PPP1R12B: variants seen among roughly 807,000 people sequenced by gnomAD.
PPP1R12B encodes the protein protein phosphatase 1 regulatory subunit 12B.
Under a neutral mutation model 126.1 loss-of-function variants are expected in PPP1R12B, and 76 were observed. That is an observed-to-expected ratio of 0.60 (90% CI 0.50 to 0.73). The LOEUF (loss-of-function observed/expected upper bound fraction) is 0.73. PPP1R12B is among the 30% of genes least tolerant of loss of function. The probability of loss-of-function intolerance (pLI) is 0.00; values close to 1 mark genes in which losing one functional copy is unlikely to be tolerated. For synonymous variants in PPP1R12B, 356 were observed against 434.7 expected (o/e 0.82, Z 2.25); for missense variants, 1,052 against 1,205.1 (o/e 0.87, Z 1.88).
intron 1 of PPP1R12B, among the ~76,000 whole-genome samples, chr1:202,391,426 T>C (rs1337273789): frequency 6.6e-6 from 1 of 152,188 alleles, no homozygotes; most frequent in African/African-American, 2.4e-5. Flanking sequence ...CATATACTGC[T>C]GGTAAAAATG....
intron 23 of PPP1R12B, chr1:202,576,360 T>TG (rs1689091008): frequency 6.6e-6 from 1 of 152,220 alleles, no homozygotes; most frequent in Non-Finnish European, 1.5e-5. Flanking sequence ...TCAGCAACAA[T>TG]CTAATTAGTC....
chr1:202,538,071 A>G lies in PPP1R12B; in HGVS notation c.2491-20806A>G, dbSNP rs1047063536. Reference sequence around the variant, plus strand: ...TGGCACGATCTCAAGGCTTACCGCAACCTCTGCCTCACTGTTTCAAGTGAT... The same window carrying G: ...TGGCACGATCTCAAGGCTTACCGCAGCCTCTGCCTCACTGTTTCAAGTGAT... On this transcript the variant is annotated intron_variant, in intron 18 of 23. Transcript: ENST00000608999. 3.2e-4 allele frequency among the ~76,000 whole-genome samples: 48 copies of G among 152,202 alleles called. 1 individual carries two copies. Among genetic ancestry groups the G allele is most frequent in the Non-Finnish European group, 7.3e-5 (5 of 68,030 alleles).
At position 202,586,008 on chromosome 1, in the gene PPP1R12B, G is replaced by A. The variant is rs887472356; in HGVS notation, c.*5448G>A. The A allele has an allele frequency of 4.6e-5, 7 of 152,180 alleles. No homozygotes were observed. Among genetic ancestry groups the A allele is most frequent in the Non-Finnish European group, 1.0e-4 (7 of 68,038 alleles). 9.4% of individuals were successfully genotyped at this position (152,180 alleles called of 1,614,324 possible). ...TTAGCACCGTCTGGTTCATTGTCTT[G>A]AACTCTGCCTTACAGCAGCAAGAAA... On this transcript the variant is annotated 3_prime_UTR_variant, in exon 24 of 24. Coordinates refer to ENST00000608999, the MANE Select transcript of PPP1R12B (RefSeq NM_002481.4).
chr1:202,398,099 A>AT (rs887744925), intron 1 of PPP1R12B, among the ~76,000 whole-genome samples: 5 of 152,046 alleles, frequency 3.3e-5, no homozygotes, highest in African/African-American at 1.2e-4. Context: ...TATATGTTTG[A>AT]TTTTTTTAGG....
intron 1 of PPP1R12B, among the ~76,000 whole-genome samples, chr1:202,386,811 C>A (rs895814045): frequency 2.6e-5 from 4 of 151,604 alleles, no homozygotes; most frequent in African/African-American, 9.7e-5. Context: ...TGCTAGTCTT[C>A]ATGAAGGCCA....
intron 1 of PPP1R12B, among the ~76,000 whole-genome samples, chr1:202,381,371 G>C (rs886840279): frequency 7.6e-6 from 1 of 132,138 alleles, no homozygotes; most frequent in African/African-American, 2.9e-5. Context: ...ATTGATGAGC[G>C]TGGGAGTGGT....
chr1:202,375,520 G>C (rs1661030371), intron 1 of PPP1R12B, among the ~76,000 whole-genome samples: 1 of 152,066 alleles, frequency 6.6e-6, no homozygotes. Flanking sequence ...TTCAACATCA[G>C]TGCCTCTAAG....
At chr1:202,407,377 A>G (rs1436738702) in intron 1 of PPP1R12B, among the ~76,000 whole-genome samples, 1 of 152,210 alleles carries the variant, frequency 6.6e-6, no homozygotes, top group East Asian at 1.9e-4. Context: ...TTGAGGTAAT[A>G]TGCCAGTTTA....
At chr1:202,459,162 A>G (rs1035441150) in intron 13 of PPP1R12B, among the ~76,000 whole-genome samples, 1 of 152,236 alleles carries the variant, frequency 6.6e-6, no homozygotes, top group Admixed American at 6.5e-5. Flanking sequence ...AGCTAGATAT[A>G]AAAGAATACA....
intron 1 of PPP1R12B, among the ~76,000 whole-genome samples, chr1:202,408,525 G>A (rs1666942380): frequency 6.6e-6 from 1 of 152,096 alleles, no homozygotes; most frequent in Non-Finnish European, 1.5e-5. Context: ...ATTCTGATTC[G>A]CTATTCTATG....
chr1:202,438,006 A>G lies in PPP1R12B; in HGVS notation c.1440A>G (p.Leu480=). 1 of 1,613,908 alleles carries G rather than the reference A, an allele frequency of 6.2e-7. No homozygotes were observed. The highest frequency in any genetic ancestry group is 8.5e-7 in the Non-Finnish European group (1 of 1,179,934). Residue 480 remains leucine, a synonymous_variant, in exon 10 of 24, where the codon CTA becomes CTG. Transcript: ENST00000608999. The part of the protein sequence containing the change: ...RSSSSPRISA[L]LDNKDKEREN... ...CTTCAAGCCCTCGGATTTCTGCTCT[A>G]CTGGACAACAAAGATAAGGTGCAGT... is the stretch of plus-strand genomic sequence containing the variant.
chr1:202,413,831 A>G (rs531676001), intron 1 of PPP1R12B, among the ~76,000 whole-genome samples: 60 of 152,268 alleles, frequency 3.9e-4, no homozygotes, highest in East Asian at 1.5e-3. Flanking sequence ...TCTCAAAGGT[A>G]TATATTTGGA....
At chr1:202,550,388 T>TCATGATGTTACTA (rs1287185347) in intron 18 of PPP1R12B, among the ~76,000 whole-genome samples, 1 of 152,192 alleles carries the variant, frequency 6.6e-6, no homozygotes, top group Non-Finnish European at 1.5e-5. Context: ...GTCAGTAACA[T>TCATGATGTTACTA]CATGACAGGC....
At chr1:202,555,931 A>C (rs1316912235) in intron 18 of PPP1R12B, among the ~76,000 whole-genome samples, 1 of 149,448 alleles carries the variant, frequency 6.7e-6, no homozygotes, top group Non-Finnish European at 1.5e-5. Context: ...GCTGGAGTGC[A>C]GTGACGCTAT....
chr1:202,359,760 C>T (rs148056401), intron 1 of PPP1R12B, among the ~76,000 whole-genome samples: 169 of 152,212 alleles, frequency 1.1e-3, no homozygotes, highest in African/African-American at 3.9e-3. Flanking sequence ...GCTGAGATCT[C>T]GCCACTGCAC....
At chr1:202,513,740 C>T (rs1681800447) in intron 18 of PPP1R12B, among the ~76,000 whole-genome samples, 1 of 152,130 alleles carries the variant, frequency 6.6e-6, no homozygotes, top group Non-Finnish European at 1.5e-5. Flanking sequence ...GAAGCAAAGG[C>T]AAGCAAAAGG....
At chr1:202,352,524 A>G (rs1656210924) in intron 1 of PPP1R12B, among the ~76,000 whole-genome samples, 1 of 152,112 alleles carries the variant, frequency 6.6e-6, no homozygotes, top group Non-Finnish European at 1.5e-5. Context: ...CTTGTCTCTT[A>G]GCACGGTCTG....
intron 13 of PPP1R12B, among the ~76,000 whole-genome samples, chr1:202,470,031 C>G (rs1483728732): frequency 6.6e-6 from 1 of 152,174 alleles, no homozygotes; most frequent in Admixed American, 6.5e-5. Context: ...CCCAGATACC[C>G]CCTTTTTCCC....
chr1:202,457,552 C>CAA (rs762009351), intron 13 of PPP1R12B, among the ~76,000 whole-genome samples: 13 of 92,082 alleles, frequency 1.4e-4, no homozygotes, highest in African/African-American at 5.4e-4. Flanking sequence ...GACTCCATCT[C>CAA]AAAAAAAAAA....
Sources: allele counts gnomAD v4.1 joint callset (sites outside exome capture counted in the v4.1 genomes callset), GRCh38; gene constraint gnomAD v4.1.1; transcripts MANE v1.5; gene names NCBI Gene and HGNC (gene_info 2026-07-23, HGNC 2026-07-21).